CDH13: variants seen among roughly 807,000 people sequenced by gnomAD.
The protein encoded by CDH13 is cadherin-13.
Under a neutral mutation model 63.8 loss-of-function variants are expected in CDH13, and 24 were observed. The observed-to-expected ratio is 0.38, with a 90% CI of 0.27 to 0.53. The LOEUF (loss-of-function observed/expected upper bound fraction) is 0.53. Among genes scored for constraint, CDH13 ranks in the 20% least tolerant of loss-of-function variants. The pLI, the probability that CDH13 is intolerant of heterozygous loss-of-function variation, is 0.85. For missense variants in CDH13, 1,049 were observed against 903.1 expected (o/e 1.16, Z -2.07); for synonymous variants, 503 against 355.3 (o/e 1.42, Z -4.67).
At chr16:83,105,624 G>A (rs1458098803) in intron 3 of CDH13, among the ~76,000 whole-genome samples, 1 of 151,960 alleles carries the variant, frequency 6.6e-6, no homozygotes, top group African/African-American at 2.4e-5. Context: ...TGTGATATTA[G>A]ATGGCATGAA....
intron 2 of CDH13, among the ~76,000 whole-genome samples, chr16:83,029,094 G>A (rs1475545785): frequency 6.6e-6 from 1 of 152,202 alleles, no homozygotes; most frequent in Non-Finnish European, 1.5e-5. Context: ...TAACTAAGGT[G>A]ATGTGTGCAA....
At chr16:83,319,272 A>G (rs1278099347) in intron 5 of CDH13, among the ~76,000 whole-genome samples, 1 of 152,174 alleles carries the variant, frequency 6.6e-6, no homozygotes, top group Admixed American at 6.5e-5. Flanking sequence ...TTGGATATCA[A>G]ATATTTGACC....
intron 1 of CDH13, among the ~76,000 whole-genome samples, chr16:82,764,758 C>T (rs1310723973): frequency 6.6e-6 from 1 of 151,084 alleles, no homozygotes; most frequent in Admixed American, 6.6e-5. Context: ...ATCTCTTTAT[C>T]TTGTGATGTG....
At chr16:83,551,132 T>C (rs1204446517) in intron 7 of CDH13, among the ~76,000 whole-genome samples, 1 of 151,656 alleles carries the variant, frequency 6.6e-6, no homozygotes, top group African/African-American at 2.4e-5. Context: ...TCCAGGCTGG[T>C]GTACAGTGGC....
At chr16:83,323,952 C>G (rs1019568) in intron 5 of CDH13, among the ~76,000 whole-genome samples, 1 of 151,740 alleles carries the variant, frequency 6.6e-6, no homozygotes, top group African/African-American at 2.4e-5. Flanking sequence ...ACACACCACA[C>G]AATTCACCCA....
intron 10 of CDH13, among the ~76,000 whole-genome samples, chr16:83,711,798 G>C (rs1182818144): frequency 1.2e-4 from 18 of 152,254 alleles, no homozygotes; most frequent in Non-Finnish European, 2.6e-4. Context: ...TTACAGGCGT[G>C]AGCCACCACA....
intron 1 of CDH13, among the ~76,000 whole-genome samples, chr16:82,652,699 T>G (rs1296482528): frequency 1.3e-5 from 2 of 150,402 alleles, no homozygotes; most frequent in South Asian, 2.1e-4. Context: ...CTGCATTACC[T>G]AGAATTGTTT....
chr16:83,047,664 C>G lies in CDH13; in HGVS notation c.366+15446C>G, dbSNP rs1035936844. ...GACTGACTTGTTCGTTGCTATAAAT[C>G]TAGCACTTACAATATCTGGCTGTGA... On this transcript the variant is annotated intron_variant, in intron 3 of 13. Transcript: ENST00000567109. This position sits in a 1 kb window ranked among gnomAD's most constrained non-coding sequence, Gnocchi z 4.9. Among the ~76,000 whole-genome samples, 1 of 152,200 alleles carries G rather than the reference C, an allele frequency of 6.6e-6. No homozygotes were observed. The highest frequency in any genetic ancestry group is 1.5e-5 in the Non-Finnish European group (1 of 68,038).
At chr16:83,526,537 C>G (rs1464596539) in intron 7 of CDH13, among the ~76,000 whole-genome samples, 4 of 152,236 alleles carry the variant, frequency 2.6e-5, no homozygotes, top group Admixed American at 2.0e-4. Context: ...CATTGCTGAT[C>G]TGACAGGATA....
chr16:83,543,766 C>T (rs1483093992), intron 7 of CDH13, among the ~76,000 whole-genome samples: 1 of 152,184 alleles, frequency 6.6e-6, no homozygotes, highest in African/African-American at 2.4e-5. Flanking sequence ...GCCAGGGGTG[C>T]TGCTGAACAT....
intron 4 of CDH13, among the ~76,000 whole-genome samples, chr16:83,156,833 G>T (rs1468505008): frequency 1.3e-5 from 2 of 152,168 alleles, no homozygotes; most frequent in African/African-American, 4.8e-5. Context: ...TAATTCAGAG[G>T]CTTGCCATCA....
chr16:83,561,100 G>A (rs2075698516), intron 7 of CDH13, among the ~76,000 whole-genome samples: 1 of 152,108 alleles, frequency 6.6e-6, no homozygotes, highest in African/African-American at 2.4e-5. Context: ...TTTGGATGTT[G>A]TTCTTTTCTT....
chr16:83,141,351 G>A (rs2036521360), intron 4 of CDH13, among the ~76,000 whole-genome samples: 1 of 152,168 alleles, frequency 6.6e-6, no homozygotes, highest in African/African-American at 2.4e-5. Flanking sequence ...TGAGCCTGGG[G>A]ATGTCCCAGG....
intron 5 of CDH13, among the ~76,000 whole-genome samples, chr16:83,287,363 C>G (rs965100033): frequency 6.6e-6 from 1 of 152,180 alleles, no homozygotes; most frequent in African/African-American, 2.4e-5. Context: ...AGGAACCTGG[C>G]TGCCCAGCAG....
At chr16:83,173,204 C>G (rs2037994558) in intron 4 of CDH13, among the ~76,000 whole-genome samples, 1 of 152,100 alleles carries the variant, frequency 6.6e-6, no homozygotes, top group African/African-American at 2.4e-5. Context: ...ATAACTTGTT[C>G]CTGGTCATAC....
intron 2 of CDH13, among the ~76,000 whole-genome samples, chr16:82,938,046 A>G (rs9928687): frequency 0.072 from 10,985 of 152,202 alleles, 1,252 homozygotes; most frequent in African/African-American, 0.24. Flanking sequence ...AGAAGAAGAA[A>G]AAGAAAAAGC....
chr16:82,840,371 G>A (rs1299241960), intron 1 of CDH13, among the ~76,000 whole-genome samples: 1 of 141,354 alleles, frequency 7.1e-6, no homozygotes, highest in East Asian at 2.5e-4. Flanking sequence ...AGGGCCTGAT[G>A]CTCTGAAAAG....
intron 4 of CDH13, among the ~76,000 whole-genome samples, chr16:83,194,140 A>G (rs541833477): frequency 1.0e-3 from 156 of 152,300 alleles, no homozygotes; most frequent in Non-Finnish European, 1.8e-3. Context: ...TGGTTTTTCT[A>G]AATTATATAA....
intron 10 of CDH13, among the ~76,000 whole-genome samples, chr16:83,709,660 A>G (rs1907706656): frequency 2.0e-5 from 3 of 152,228 alleles, no homozygotes; most frequent in African/African-American, 7.2e-5. Flanking sequence ...CATCAGACCC[A>G]TTTATATTTG....
Sources: gnomAD v4.1 joint callset for allele counts (sites outside exome capture counted in the v4.1 genomes callset) on GRCh38, gnomAD v4.1.1 for gene constraint, Gnocchi (gnomAD v3.1) non-coding constraint, MANE v1.5 for transcripts, NCBI Gene and HGNC (gene_info 2026-07-23, HGNC 2026-07-21) for gene names.